Variants in DNAH8 observed in about 807,000 individuals in gnomAD.
DNAH8 encodes the protein axonemal beta dynein heavy chain 8.
A neutral mutation model predicts 562.1 loss-of-function variants in DNAH8; 382 were observed. That is an observed-to-expected ratio of 0.68 (90% confidence interval 0.63 to 0.74). The LOEUF (loss-of-function observed/expected upper bound fraction) is 0.74, where lower values mean the gene tolerates loss of function less well. Ranked by LOEUF, DNAH8 falls within the 30% of genes least tolerant of loss-of-function variation. DNAH8 has a pLI of 0.00. For synonymous variants in DNAH8, 1,881 were observed against 1,919.4 expected (o/e 0.98, Z 0.52); for missense variants, 5,203 against 5,620.4 (o/e 0.93, Z 2.37).
At chr6:38,934,352 C>CAAAAA (rs146607292) in intron 76 of DNAH8, among the ~76,000 whole-genome samples, 1 of 149,720 alleles carries the variant, frequency 6.7e-6, no homozygotes, top group African/African-American at 2.5e-5. Context: ...GACTCCATCT[C>CAAAAA]AAAAAAACAA....
At chr6:38,920,292 C>T (rs1781604743) in intron 70 of DNAH8, among the ~76,000 whole-genome samples, 1 of 151,864 alleles carries the variant, frequency 6.6e-6, no homozygotes, top group Admixed American at 6.6e-5. Context: ...GCAAATATTA[C>T]CTAGTTATAT....
At position 38,737,847 on chromosome 6, in the gene DNAH8, A is replaced by T; in HGVS notation, c.991A>T (p.Thr331Ser). The T allele has an allele frequency of 6.3e-7, 1 of 1,577,636 alleles. No homozygotes were observed. ...ISIEGTVKLK[T>S]IDNVNFSKLH... The stretch of plus-strand genomic sequence containing the variant: ...TATTGAGGGAACAGTGAAGTTAAAG[A>T]CAATAGACAATGTTAATTTTTCCAA... The change falls in exon 7 of 93, where the codon ACA becomes TCA. Residue 331 changes from threonine to serine, a missense_variant. Coordinates refer to ENST00000327475, the MANE Select transcript of DNAH8 (RefSeq NM_001206927.2).
chr6:38,835,685 G>A (rs757026458), intron 32 of DNAH8, among the ~76,000 whole-genome samples: 160 of 152,122 alleles, frequency 1.1e-3, no homozygotes, highest in Non-Finnish European at 2.1e-3. Flanking sequence ...TGTAAGGAGT[G>A]CAGGGTGGGG....
intron 5 of DNAH8, among the ~76,000 whole-genome samples, chr6:38,736,412 A>G (rs920306369): frequency 6.6e-6 from 1 of 152,306 alleles, no homozygotes; most frequent in Non-Finnish European, 1.5e-5. Context: ...CTGATGGCGC[A>G]GAAGCAATGG....
intron 56 of DNAH8, among the ~76,000 whole-genome samples, chr6:38,884,900 G>C (rs979535959): frequency 6.6e-6 from 1 of 151,926 alleles, no homozygotes; most frequent in African/African-American, 2.4e-5. Context: ...CATGCTCCTG[G>C]TGGGATCCCC....
intron 49 of DNAH8, among the ~76,000 whole-genome samples, chr6:38,870,943 T>A (rs1777424272): frequency 6.6e-6 from 1 of 152,210 alleles, no homozygotes. Context: ...GGGAGTGCTA[T>A]TTTGCTCCTG....
chr6:38,724,562 T>C (rs973346936), intron 3 of DNAH8, among the ~76,000 whole-genome samples: 1 of 152,202 alleles, frequency 6.6e-6, no homozygotes, highest in African/African-American at 2.4e-5. Context: ...TTACTATATG[T>C]CTCAGTGTGC....
rs571414404 is a variant in DNAH8 at position 38,879,772 on chromosome 6, C to G, written c.7859-3138C>G. ...AGATTAGAAAAGAACAAGTAAAATT[C>G]TCTTTATTTGCAGATGACATGACCA... On this transcript the variant is annotated intron_variant, in intron 53 of 92. Transcript: ENST00000327475. Among the ~76,000 whole-genome samples, 8 of 152,170 alleles carry G rather than the reference C, an allele frequency of 5.3e-5. No homozygotes were observed. In the East Asian group the frequency reaches 1.4e-3, roughly 26 times the overall value.
At chr6:39,024,041 A>G (rs1212119349) in intron 91 of DNAH8, among the ~76,000 whole-genome samples, 1 of 152,176 alleles carries the variant, frequency 6.6e-6, no homozygotes, top group Admixed American at 6.5e-5. Flanking sequence ...TATTTTCACT[A>G]GAGTTTTTCA....
At chr6:38,999,244 A>AC (rs1300955477) in intron 88 of DNAH8, among the ~76,000 whole-genome samples, 1 of 152,156 alleles carries the variant, frequency 6.6e-6, no homozygotes, top group Non-Finnish European at 1.5e-5. Flanking sequence ...TCCTTGGAGC[A>AC]CCAGTGAACT....
intron 7 of DNAH8, 119 bp downstream of exon 7, chr6:38,738,091 A>G (rs2127582189): frequency 2.8e-6 from 3 of 1,075,086 alleles, no homozygotes; most frequent in Non-Finnish European, 4.0e-6. Flanking sequence ...TCCAGAATCT[A>G]GTTTGAAACT....
chr6:38,890,830 C>T (rs925894015), intron 58 of DNAH8, 69 bp downstream of exon 58: 1 of 1,069,928 alleles, frequency 9.3e-7, no homozygotes, highest in Non-Finnish European at 1.4e-6. Context: ...CACCTCGTGG[C>T]TCATTAAGTT....
chr6:38,770,394 T>C lies in DNAH8; in HGVS notation c.1618-19T>C. On this transcript the variant is annotated intron_variant, in intron 11 of 92. Coordinates refer to ENST00000327475, the MANE Select transcript of DNAH8 (RefSeq NM_001206927.2). Reference sequence around the variant, plus strand: ...AATGTCTCACTTTCTTTTCCCTATTTCTTTTACTTTTCTCATAGGACTGCA... The same window carrying C: ...AATGTCTCACTTTCTTTTCCCTATTCCTTTTACTTTTCTCATAGGACTGCA... 1 of 1,509,114 alleles carries C rather than the reference T, an allele frequency of 6.6e-7. No individual in the cohort carries two copies. Among genetic ancestry groups the C allele is most frequent in the Non-Finnish European group, 9.0e-7 (1 of 1,117,242 alleles). 93.5% of individuals were successfully genotyped at this position (1,509,114 alleles called of 1,614,324 possible).
chr6:38,864,051 C>T lies in DNAH8; in HGVS notation c.6489C>T (p.Phe2163=). 1 of 1,606,674 alleles carries T rather than the reference C, an allele frequency of 6.2e-7. No homozygotes were observed. Among genetic ancestry groups the T allele is most frequent in the South Asian group, 1.1e-5 (1 of 88,520 alleles). Residue 2163 remains phenylalanine, a synonymous_variant, in exon 45 of 93, where the codon TTC becomes TTT. Coordinates refer to ENST00000327475, the MANE Select transcript of DNAH8 (RefSeq NM_001206927.2). ...CVDLNPEFGI[F]LTMNPGYAGR... ...ATTTAAATCCAGAATTTGGAATCTT[C>T]TTAACGATGGTGAGAAAAAAGGCTT...
chr6:38,906,514 A>G, intron 63 of DNAH8, 107 bp downstream of exon 63: 1 of 902,088 alleles, frequency 1.1e-6, no homozygotes, highest in Non-Finnish European at 1.6e-6. Context: ...TACATTTTTT[A>G]TTTTAGACAT....
chr6:38,823,019 C>T lies in DNAH8; in HGVS notation c.3705C>T (p.Arg1235=), dbSNP rs562018132. The change falls in exon 27 of 93, where the codon CGC becomes CGT. Residue 1235 remains arginine, a synonymous_variant. Coordinates refer to ENST00000327475, the MANE Select transcript of DNAH8 (RefSeq NM_001206927.2). Reference sequence around the variant, plus strand: ...ACAAGACTCTCTGGACAGAGGACCGCGATGTGAAAGTGAAGGTGTCTTTCT... The same window carrying T: ...ACAAGACTCTCTGGACAGAGGACCGTGATGTGAAAGTGAAGGTGTCTTTCT... ...QKYKTLWTED[R]DVKVKEFLAN... is the part of the protein sequence containing the mutation. 2.1e-5 allele frequency: 33 copies of T among 1,574,618 alleles called. No homozygotes were observed. Among genetic ancestry groups the T allele is most frequent in the African/African-American group, 2.7e-5 (2 of 72,774 alleles).
At chr6:38,867,102 C>T (rs1431491359) in intron 47 of DNAH8, among the ~76,000 whole-genome samples, 1 of 152,090 alleles carries the variant, frequency 6.6e-6, no homozygotes, top group Non-Finnish European at 1.5e-5. Context: ...GAGGCATGTA[C>T]CCTTCACCCT....
chr6:38,909,828 A>C lies in DNAH8; in HGVS notation c.9740+84A>C, dbSNP rs1322840415. 7 of 1,129,388 alleles carry C rather than the reference A, an allele frequency of 6.2e-6. No individual in the cohort carries two copies. In the African/African-American group the frequency reaches 9.3e-5, roughly 15 times the overall value. 70.0% of individuals were successfully genotyped at this position (1,129,388 alleles called of 1,614,324 possible). A position where few individuals can be genotyped will look rare whatever the true frequency, so the allele number is the denominator to read the frequency against. ...AATGCATTGTAACATCCAGCAGAAG[A>C]CTCTTTCTATTCATTGAGCACGAGC... On this transcript the variant is annotated intron_variant, in intron 65 of 92. Transcript: ENST00000327475.
intron 79 of DNAH8, among the ~76,000 whole-genome samples, chr6:38,942,785 A>G (rs1415996505): frequency 1.8e-4 from 28 of 152,170 alleles, no homozygotes. Flanking sequence ...GGCAGCCTGC[A>G]TACCTGAGGC....
Sources: allele counts gnomAD v4.1 joint callset (sites outside exome capture counted in the v4.1 genomes callset), GRCh38; gene constraint gnomAD v4.1.1; transcripts MANE v1.5; gene names NCBI Gene and HGNC (gene_info 2026-07-23, HGNC 2026-07-21).